MSH4: variants seen among roughly 807,000 people sequenced by gnomAD.
MSH4 encodes the protein mutS homolog 4.
A neutral mutation model predicts 113.7 loss-of-function variants in MSH4; 106 were observed. The ratio of observed to expected loss-of-function variants is 0.93; its 90% confidence interval spans 0.80 to 1.10. The LOEUF (loss-of-function observed/expected upper bound fraction) is 1.10. Ranked by LOEUF, MSH4 falls within the 50% of genes least tolerant of loss-of-function variation. The pLI, the probability that MSH4 is intolerant of heterozygous loss-of-function variation, is 0.00. For missense variants in MSH4, 1,061 were observed against 1,093.7 expected, an observed-to-expected ratio of 0.97 and a Z score of 0.42; for synonymous variants, 368 against 380.2, an observed-to-expected ratio of 0.97 and a Z score of 0.37.
intron 3 of MSH4, among the ~76,000 whole-genome samples, chr1:75,807,929 C>T (rs1333227875): frequency 6.6e-6 from 1 of 152,120 alleles, no homozygotes; most frequent in East Asian, 1.9e-4. Context: ...TCTCTAAGAG[C>T]TGGGACAGAC....
At chr1:75,877,606 T>G (rs1651843133) in intron 10 of MSH4, among the ~76,000 whole-genome samples, 1 of 152,168 alleles carries the variant, frequency 6.6e-6, no homozygotes. Flanking sequence ...AAGGAAAAGT[T>G]GAGGAAAATA....
chr1:75,822,338 A>G (rs913284306), intron 6 of MSH4, 71 bp from the exon 7 acceptor site: 15 of 987,546 alleles, frequency 1.5e-5, no homozygotes, highest in Non-Finnish European at 2.1e-5. Flanking sequence ...GGATTATTTA[A>G]TTACAAAGTG....
chr1:75,836,866 TC>T (rs1458874306), intron 7 of MSH4, among the ~76,000 whole-genome samples: 8 of 152,232 alleles, frequency 5.3e-5, no homozygotes, highest in African/African-American at 1.9e-4. Context: ...ATCCTGAATT[TC>T]CTTATTGTAT....
chr1:75,849,281 G>A (rs1268118759), intron 8 of MSH4, among the ~76,000 whole-genome samples: 3 of 152,024 alleles, frequency 2.0e-5, no homozygotes, highest in African/African-American at 7.2e-5. Flanking sequence ...ACATTTTCTG[G>A]ATATTTTTCC....
chr1:75,825,942 G>C (rs9970572), intron 7 of MSH4, among the ~76,000 whole-genome samples: 70,275 of 151,834 alleles, frequency 0.46, 17,273 homozygotes, highest in East Asian at 0.95. Context: ...TGTTGTGTCT[G>C]TACCAGGTTT....
chr1:75,881,459 A>T, intron 14 of MSH4, 89 bp downstream of exon 14: 2 of 1,384,152 alleles, frequency 1.4e-6, no homozygotes, highest in Non-Finnish European at 2.0e-6. Flanking sequence ...GACATTTAAA[A>T]TTTTTAACTT....
At chr1:75,841,865 A>G (rs1650966432) in intron 7 of MSH4, among the ~76,000 whole-genome samples, 1 of 152,220 alleles carries the variant, frequency 6.6e-6, no homozygotes, top group African/African-American at 2.4e-5. Flanking sequence ...AATGAAGAAT[A>G]TAACCGCAAT....
At chr1:75,857,059 T>C (rs937753697) in intron 8 of MSH4, among the ~76,000 whole-genome samples, 5 of 152,224 alleles carry the variant, frequency 3.3e-5, no homozygotes, top group Admixed American at 6.5e-5. Context: ...CATTTTTTCA[T>C]ATGTCTGTTG....
chr1:75,909,279 C>T (rs896419405), intron 19 of MSH4, among the ~76,000 whole-genome samples: 1 of 152,072 alleles, frequency 6.6e-6, no homozygotes, highest in Non-Finnish European at 1.5e-5. Flanking sequence ...AGATAGAGAA[C>T]TTTCTTTCTT....
intron 7 of MSH4, 40 bp from the exon 8 acceptor site, chr1:75,848,169 C>A: frequency 7.6e-7 from 1 of 1,319,786 alleles, no homozygotes; most frequent in Non-Finnish European, 1.1e-6. Flanking sequence ...TTGAACTGTA[C>A]CATAAAGTTT....
chr1:75,865,367 T>C (rs752112518), intron 8 of MSH4, among the ~76,000 whole-genome samples: 5 of 152,114 alleles, frequency 3.3e-5, no homozygotes, highest in Admixed American at 6.6e-5. Context: ...TACTCTAATA[T>C]CTTGATTGTA....
intron 15 of MSH4, among the ~76,000 whole-genome samples, chr1:75,888,377 T>C (rs1386336873): frequency 1.3e-5 from 2 of 152,014 alleles, no homozygotes; most frequent in East Asian, 1.9e-4. Flanking sequence ...TTAATCAGAT[T>C]GATTTGTTTT....
intron 12 of MSH4, among the ~76,000 whole-genome samples, 187 bp from the exon 13 acceptor site, chr1:75,879,863 T>A (rs1651892990): frequency 6.6e-6 from 1 of 152,140 alleles, no homozygotes; most frequent in Non-Finnish European, 1.5e-5. Context: ...GGTTAAAAAA[T>A]TTGGCTTTAT....
chr1:75,845,344 G>C (rs1410167280), intron 7 of MSH4, among the ~76,000 whole-genome samples: 3 of 152,140 alleles, frequency 2.0e-5, no homozygotes, highest in Non-Finnish European at 4.4e-5. Context: ...GATTCCTCCT[G>C]AGGCAAATTC....
intron 7 of MSH4, among the ~76,000 whole-genome samples, chr1:75,839,037 T>C (rs1038181879): frequency 2.6e-5 from 4 of 152,218 alleles, no homozygotes; most frequent in Non-Finnish European, 5.9e-5. Context: ...TGTTGTTGAA[T>C]CTGTTGAAAT....
intron 12 of MSH4, 60 bp downstream of exon 12, chr1:75,879,188 A>AT: frequency 6.6e-7 from 1 of 1,518,716 alleles, no homozygotes; most frequent in Non-Finnish European, 9.0e-7. Flanking sequence ...ACATCTACAT[A>AT]TTTTTGGGAC....
At chr1:75,885,061 A>G (rs71502712) in intron 15 of MSH4, among the ~76,000 whole-genome samples, 24,877 of 118,360 alleles carry the variant, frequency 0.21, 2,806 homozygotes, top group East Asian at 0.63. Flanking sequence ...GTGTGTGTGT[A>G]TATATATATA....
rs892227558 is a variant in MSH4, at chr1:75,820,879, A to C, written c.990-1530A>C. ...ACTATCCTAAATATATATGCACCCA[A>C]TACAGGAGCACCCAGATTCATAAAG... On this transcript the variant is annotated intron_variant, in intron 6 of 19. Transcript: ENST00000263187. Among the ~76,000 whole-genome samples, 951 of 151,578 alleles carry C rather than the reference A, an allele frequency of 6.3e-3. 7 individuals are homozygous for C. The highest frequency in any genetic ancestry group is 0.022 in the African/African-American group (903 of 41,340).
intron 8 of MSH4, among the ~76,000 whole-genome samples, chr1:75,859,327 C>G (rs1651399765): frequency 6.6e-6 from 1 of 151,910 alleles, no homozygotes; most frequent in Non-Finnish European, 1.5e-5. Context: ...TTGCTCTTGA[C>G]TGTCTAGTTC....
Sources: gnomAD v4.1 joint callset for allele counts (sites outside exome capture counted in the v4.1 genomes callset) on GRCh38, gnomAD v4.1.1 for gene constraint, MANE v1.5 for transcripts, NCBI Gene and HGNC (gene_info 2026-07-23, HGNC 2026-07-21) for gene names.